The following SUPT3H variants were observed in gnomAD, a reference collection of about 807,000 sequenced individuals.
SUPT3H encodes SPT3 homolog, SAGA and STAGA complex component, also known as transcription initiation protein SPT3 homolog.
SUPT3H carries 44 observed loss-of-function variants against 44.3 expected under a neutral mutation model. That is an observed-to-expected ratio of 0.99 (90% confidence interval 0.78 to 1.28). SUPT3H has a LOEUF of 1.28. Among genes scored for constraint, SUPT3H ranks in the 50% most tolerant of loss-of-function variants. The probability of loss-of-function intolerance (pLI) is 0.00; values close to 1 mark genes in which losing one functional copy is unlikely to be tolerated. For synonymous variants in SUPT3H, 124 were observed against 125.6 expected, an observed-to-expected ratio of 0.99 and a Z score of 0.09; for missense variants, 380 against 387.1, an observed-to-expected ratio of 0.98 and a Z score of 0.15.
intron 2 of SUPT3H, among the ~76,000 whole-genome samples, chr6:45,342,095 G>C (rs867644200): frequency 6.6e-6 from 1 of 152,074 alleles, no homozygotes; most frequent in African/African-American, 2.4e-5. Context: ...TTATGGAAGA[G>C]GCAAAGAATA....
At chr6:44,922,968 G>A (rs946455866) in intron 10 of SUPT3H, among the ~76,000 whole-genome samples, 2 of 151,952 alleles carry the variant, frequency 1.3e-5, no homozygotes, top group Non-Finnish European at 2.9e-5. Context: ...GTCACTCCAA[G>A]GATTTTCTTC....
intron 2 of SUPT3H, among the ~76,000 whole-genome samples, chr6:45,229,638 C>T (rs1181769611): frequency 6.6e-6 from 1 of 152,064 alleles, no homozygotes; most frequent in Admixed American, 6.6e-5. Flanking sequence ...ACATTAAAGA[C>T]TAAGTAGCTA....
intron 6 of SUPT3H, among the ~76,000 whole-genome samples, chr6:44,965,087 T>G (rs1244409705): frequency 6.6e-6 from 1 of 152,184 alleles, no homozygotes; most frequent in Non-Finnish European, 1.5e-5. Flanking sequence ...GTCATGTAGC[T>G]CCTACAATTA....
chr6:45,294,425 A>G (rs1188885327), intron 2 of SUPT3H, among the ~76,000 whole-genome samples: 1 of 152,158 alleles, frequency 6.6e-6, no homozygotes, highest in East Asian at 1.9e-4. Context: ...GGAACAATAC[A>G]AGGCTGCTAG....
At chr6:45,294,906 A>G (rs1427009554) in intron 2 of SUPT3H, among the ~76,000 whole-genome samples, 2 of 152,138 alleles carry the variant, frequency 1.3e-5, no homozygotes, top group East Asian at 3.8e-4. Flanking sequence ...TATGGTGAAA[A>G]TGACCATACT....
chr6:45,250,206 T>C (rs1772111740), intron 2 of SUPT3H, among the ~76,000 whole-genome samples: 2 of 150,576 alleles, frequency 1.3e-5, no homozygotes, highest in Admixed American at 1.3e-4. Flanking sequence ...ACAAAAAGGA[T>C]AAAAAGGAAA....
intron 2 of SUPT3H, among the ~76,000 whole-genome samples, chr6:45,184,296 A>G (rs1365502392): frequency 1.3e-5 from 2 of 152,162 alleles, no homozygotes; most frequent in Non-Finnish European, 2.9e-5. Context: ...ATTTTATGTT[A>G]TATATATTTT....
At chr6:45,368,783 T>C (rs1432224737) in intron 1 of SUPT3H, among the ~76,000 whole-genome samples, 1 of 152,178 alleles carries the variant, frequency 6.6e-6, no homozygotes, top group East Asian at 1.9e-4. Context: ...ATTCTAATGA[T>C]AACCTGAACA....
intron 9 of SUPT3H, among the ~76,000 whole-genome samples, chr6:44,951,838 G>C (rs1774364817): frequency 6.6e-6 from 1 of 152,128 alleles, no homozygotes; most frequent in South Asian, 2.1e-4. Context: ...TTCTCAATTA[G>C]AAATGTTATA....
intron 3 of SUPT3H, among the ~76,000 whole-genome samples, chr6:45,062,883 G>C (rs1316249380): frequency 6.6e-6 from 1 of 152,082 alleles, no homozygotes; most frequent in African/African-American, 2.4e-5. Flanking sequence ...GAGGCTGGGG[G>C]AGGGGCGCCT....
chr6:45,337,591 C>T (rs1788851706), intron 2 of SUPT3H, among the ~76,000 whole-genome samples: 1 of 151,790 alleles, frequency 6.6e-6, no homozygotes, highest in Non-Finnish European at 1.5e-5. Flanking sequence ...CAACGGACTA[C>T]CTGTTCTAGC....
chr6:44,926,123 A>G (rs1769481738), intron 10 of SUPT3H, among the ~76,000 whole-genome samples: 1 of 152,168 alleles, frequency 6.6e-6, no homozygotes, highest in Non-Finnish European at 1.5e-5. Flanking sequence ...AATCCTAATA[A>G]ATAGGAACTG....
chr6:44,879,413 G>A (rs1240064624), intron 10 of SUPT3H, among the ~76,000 whole-genome samples: 1 of 152,194 alleles, frequency 6.6e-6, no homozygotes, highest in Non-Finnish European at 1.5e-5. Flanking sequence ...TGAAAGAAAG[G>A]CAGCAGCCCC....
intron 3 of SUPT3H, among the ~76,000 whole-genome samples, chr6:45,028,805 A>C (rs1237195394): frequency 6.6e-6 from 1 of 151,266 alleles, no homozygotes; most frequent in African/African-American, 2.4e-5. Flanking sequence ...GCGTTCACTA[A>C]ATCAAGCCTT....
At chr6:44,920,486 T>C (rs1312201334) in intron 10 of SUPT3H, among the ~76,000 whole-genome samples, 1 of 148,740 alleles carries the variant, frequency 6.7e-6, no homozygotes, top group African/African-American at 2.5e-5. Flanking sequence ...CACTTGAGCC[T>C]GGGAGATGGA....
chr6:45,098,486 C>A, intron 3 of SUPT3H: 1 of 242,096 alleles, frequency 4.1e-6, no homozygotes. Context: ...GGACCACACC[C>A]TCCTACCAAA....
intron 10 of SUPT3H, among the ~76,000 whole-genome samples, chr6:44,844,336 T>A (rs759240360): frequency 1.3e-5 from 2 of 152,202 alleles, no homozygotes; most frequent in African/African-American, 4.8e-5. Context: ...AAAGCTTTCT[T>A]AGCTAACATA....
chr6:45,304,614 G>A (rs929508794), intron 2 of SUPT3H, among the ~76,000 whole-genome samples: 1 of 152,006 alleles, frequency 6.6e-6, no homozygotes, highest in Non-Finnish European at 1.5e-5. Context: ...TAAAAAGAAA[G>A]GTCAAAGAGG....
At chr6:45,268,211 A>G (rs1188455775) in intron 2 of SUPT3H, among the ~76,000 whole-genome samples, 1 of 152,202 alleles carries the variant, frequency 6.6e-6, no homozygotes, top group East Asian at 1.9e-4. Flanking sequence ...ACAGACTCAG[A>G]GACCCAAATA....
Sources: gnomAD v4.1 joint callset for allele counts (sites outside exome capture counted in the v4.1 genomes callset) on GRCh38, gnomAD v4.1.1 for gene constraint, MANE v1.5 for transcripts, NCBI Gene and HGNC (gene_info 2026-07-23, HGNC 2026-07-21) for gene names.